Variants in RAP1GAP2 observed in about 807,000 individuals in gnomAD.
RAP1GAP2 encodes rap1 GTPase-activating protein 2.
Under a neutral mutation model 95.0 loss-of-function variants are expected in RAP1GAP2, and 27 were observed. The ratio of observed to expected loss-of-function variants is 0.28; its 90% confidence interval spans 0.21 to 0.39. The LOEUF (loss-of-function observed/expected upper bound fraction) is 0.39. RAP1GAP2 is among the 10% of genes least tolerant of loss of function. The probability of loss-of-function intolerance (pLI) is 1.00; values close to 1 mark genes in which losing one functional copy is unlikely to be tolerated. For missense variants in RAP1GAP2, 771 were observed against 970.0 expected (o/e 0.79, Z 2.72); for synonymous variants, 373 against 380.9 (o/e 0.98, Z 0.24).
chr17:2,888,426 G>A (rs2151688140), intron 2 of RAP1GAP2, among the ~76,000 whole-genome samples: 1 of 152,082 alleles, frequency 6.6e-6, no homozygotes, highest in South Asian at 2.1e-4. Context: ...TCTCTTTCCT[G>A]CCCTTCTCAG....
At chr17:3,024,824 A>G (rs2047055977) in intron 19 of RAP1GAP2, among the ~76,000 whole-genome samples, 2 of 152,260 alleles carry the variant, frequency 1.3e-5, no homozygotes, top group Admixed American at 1.3e-4. Context: ...AACATATTAT[A>G]TGATTCTATT....
chr17:2,810,905 G>T (rs1377185127), intron 2 of RAP1GAP2, among the ~76,000 whole-genome samples: 2 of 152,070 alleles, frequency 1.3e-5, no homozygotes, highest in Non-Finnish European at 2.9e-5. Flanking sequence ...TTGGTTACCT[G>T]TGGGGACAGT....
chr17:2,889,113 G>A (rs1415630454), intron 2 of RAP1GAP2, among the ~76,000 whole-genome samples: 2 of 152,152 alleles, frequency 1.3e-5, no homozygotes, highest in Admixed American at 6.6e-5. Context: ...TGGGATCGCT[G>A]GGTCATGTGG....
chr17:2,914,593 C>G (rs2042504813), intron 3 of RAP1GAP2, among the ~76,000 whole-genome samples: 1 of 151,946 alleles, frequency 6.6e-6, no homozygotes, highest in Non-Finnish European at 1.5e-5. Flanking sequence ...TGGGTTCACA[C>G]CATTCTCCTG....
At chr17:3,007,877 A>C (rs2046385073) in intron 16 of RAP1GAP2, 134 bp from the exon 17 acceptor site, 1 of 1,055,410 alleles carries the variant, frequency 9.5e-7, no homozygotes, top group Non-Finnish European at 1.3e-6. Context: ...TCAGCTCAGC[A>C]GTAGGTCCAC....
intron 1 of RAP1GAP2, among the ~76,000 whole-genome samples, chr17:2,761,129 A>C (rs919182697): frequency 6.9e-6 from 1 of 144,870 alleles, no homozygotes; most frequent in Non-Finnish European, 1.5e-5. Context: ...TAATTTTTGT[A>C]TGTTTAGTAG....
At chr17:2,775,635 A>C (rs2068482673), upstream of RAP1GAP2, among the ~76,000 whole-genome samples, 1 of 152,144 alleles carries the variant, frequency 6.6e-6, no homozygotes, top group Non-Finnish European at 1.5e-5. Flanking sequence ...ACAGAAGCGA[A>C]AACTTCTGTG....
chr17:2,998,830 A>G (rs1206176265), intron 14 of RAP1GAP2, among the ~76,000 whole-genome samples: 3 of 152,010 alleles, frequency 2.0e-5, no homozygotes, highest in Non-Finnish European at 2.9e-5. Flanking sequence ...TAGTATTTGG[A>G]ATTTGGTGAT....
intron 19 of RAP1GAP2, among the ~76,000 whole-genome samples, chr17:3,022,611 TC>T (rs2046995878): frequency 6.6e-6 from 1 of 152,252 alleles, no homozygotes; most frequent in Admixed American, 6.5e-5. Flanking sequence ...TTTTTTGAGT[TC>T]CTCATATATT....
At chr17:2,767,509 TG>T (rs1334142649) in intron 1 of RAP1GAP2, among the ~76,000 whole-genome samples, 5 of 152,048 alleles carry the variant, frequency 3.3e-5, no homozygotes. Flanking sequence ...TATTAGCTTT[TG>T]TGTCTCCAGA....
intron 2 of RAP1GAP2, among the ~76,000 whole-genome samples, chr17:2,845,776 G>T (rs2071558464): frequency 6.6e-6 from 1 of 151,978 alleles, no homozygotes; most frequent in Admixed American, 6.6e-5. Flanking sequence ...CAGGAGAATC[G>T]CTTGAACCCT....
intron 2 of RAP1GAP2, among the ~76,000 whole-genome samples, chr17:2,845,039 C>T (rs754826977): frequency 5.9e-5 from 9 of 152,184 alleles, no homozygotes; most frequent in Non-Finnish European, 1.5e-5. Context: ...CTCATCTGGT[C>T]CCGGCCTGCA....
At chr17:2,918,541 CT>C (rs1352807578) in intron 3 of RAP1GAP2, among the ~76,000 whole-genome samples, 1 of 151,142 alleles carries the variant, frequency 6.6e-6, no homozygotes, top group Non-Finnish European at 1.5e-5. Flanking sequence ...CCTCAGGAAA[CT>C]TTTATTCATG....
chr17:2,802,283 A>G (rs1018485599), intron 2 of RAP1GAP2, among the ~76,000 whole-genome samples: 3 of 152,182 alleles, frequency 2.0e-5, no homozygotes, highest in Admixed American at 2.0e-4. Flanking sequence ...CGGTTGGCAT[A>G]AAAGAGGGTC....
chr17:2,854,525 C>G lies in RAP1GAP2; in HGVS notation c.81-50759C>G, dbSNP rs373576148. ...CCTGCCTGGCCGAGATCCGCTTGCTCTGCGCTCGGTGCCGGCAGGCGAGGA... is the reference window on the plus strand; with the variant it reads ...CCTGCCTGGCCGAGATCCGCTTGCTGTGCGCTCGGTGCCGGCAGGCGAGGA... On this transcript the variant is annotated intron_variant, in intron 2 of 24. Transcript: ENST00000254695. Among the ~76,000 whole-genome samples, 36 of 152,370 alleles carry G rather than the reference C, an allele frequency of 2.4e-4. No homozygotes were observed. In the East Asian group the frequency reaches 5.6e-3, roughly 24 times the overall value.
chr17:2,835,808 T>G (rs1223230454), intron 2 of RAP1GAP2, among the ~76,000 whole-genome samples: 2 of 152,224 alleles, frequency 1.3e-5, no homozygotes, highest in Non-Finnish European at 2.9e-5. Flanking sequence ...AATGCTTCCT[T>G]TTTTTATTCC....
chr17:2,893,331 G>T (rs750149248), intron 2 of RAP1GAP2, among the ~76,000 whole-genome samples: 1 of 152,128 alleles, frequency 6.6e-6, no homozygotes, highest in Non-Finnish European at 1.5e-5. Flanking sequence ...GTGAGCCACC[G>T]CACCCAGCCC....
At chr17:2,883,068 G>A (rs1364879252) in intron 2 of RAP1GAP2, among the ~76,000 whole-genome samples, 1 of 152,210 alleles carries the variant, frequency 6.6e-6, no homozygotes, top group African/African-American at 2.4e-5. Flanking sequence ...GTCTTGGTCG[G>A]GGTTATGTGA....
At chr17:2,998,403 G>GT in intron 14 of RAP1GAP2, 27 bp downstream of exon 14, 2 of 1,611,258 alleles carry the variant, frequency 1.2e-6, no homozygotes, top group Non-Finnish European at 1.7e-6. Context: ...GTTGGAGGGA[G>GT]TGGTGGGCCT....
Sources: gnomAD v4.1 joint callset for allele counts (sites outside exome capture counted in the v4.1 genomes callset) on GRCh38, gnomAD v4.1.1 for gene constraint, MANE v1.5 for transcripts, NCBI Gene and HGNC (gene_info 2026-07-23, HGNC 2026-07-21) for gene names.